Variants in ULK4 observed in about 807,000 individuals in gnomAD.
ULK4 encodes the protein unc-51 like kinase 4.
Under a neutral mutation model 160.6 loss-of-function variants are expected in ULK4, and 133 were observed. That is an observed-to-expected ratio of 0.83 (90% CI 0.72 to 0.96). The LOEUF (loss-of-function observed/expected upper bound fraction) is 0.96, where lower values mean the gene tolerates loss of function less well. Ranked by LOEUF, ULK4 falls within the 40% of genes least tolerant of loss-of-function variation. The pLI is 0.00. For synonymous variants in ULK4, 534 were observed against 539.8 expected, an observed-to-expected ratio of 0.99 and a Z score of 0.15; for missense variants, 1,580 against 1,499.5, an observed-to-expected ratio of 1.05 and a Z score of -0.89.
intron 30 of ULK4, among the ~76,000 whole-genome samples, chr3:41,655,676 T>C (rs915724818): frequency 6.6e-6 from 1 of 152,080 alleles, no homozygotes; most frequent in Admixed American, 6.6e-5. Flanking sequence ...CAGTGCTCTA[T>C]AGCCTGGGCA....
chr3:41,888,028 T>A (rs536841863), intron 16 of ULK4, among the ~76,000 whole-genome samples: 1 of 152,100 alleles, frequency 6.6e-6, no homozygotes, highest in African/African-American at 2.4e-5. Context: ...GTTTTTAATT[T>A]AGCCAGGCAT....
At chr3:41,439,717 T>C (rs144916491) in intron 34 of ULK4, among the ~76,000 whole-genome samples, 147 of 152,326 alleles carry the variant, frequency 9.7e-4, no homozygotes, top group African/African-American at 3.4e-3. Context: ...AGGTCCTTTA[T>C]ATTTCATGTA....
intron 35 of ULK4, among the ~76,000 whole-genome samples, chr3:41,338,403 C>A (rs1252972468): frequency 6.6e-6 from 1 of 152,224 alleles, no homozygotes; most frequent in Non-Finnish European, 1.5e-5. Flanking sequence ...CTGGAGCAAA[C>A]ACACAAACAT....
chr3:41,524,065 C>A (rs1191975273), intron 32 of ULK4, among the ~76,000 whole-genome samples: 1 of 152,130 alleles, frequency 6.6e-6, no homozygotes, highest in African/African-American at 2.4e-5. Context: ...ATGATATGTC[C>A]AGAATATGCA....
chr3:41,679,179 CTT>C (rs1359042134), intron 29 of ULK4, among the ~76,000 whole-genome samples: 1 of 151,668 alleles, frequency 6.6e-6, no homozygotes, highest in Non-Finnish European at 1.5e-5. Context: ...CTATTACAAT[CTT>C]TACTTTAAAG....
chr3:41,678,167 C>T (rs1053948220), intron 29 of ULK4, among the ~76,000 whole-genome samples: 1 of 141,398 alleles, frequency 7.1e-6, no homozygotes, highest in African/African-American at 2.7e-5. Context: ...TAAAATAAAT[C>T]TTTATTTCAT....
intron 18 of ULK4, among the ~76,000 whole-genome samples, chr3:41,828,355 A>G (rs150594648): frequency 2.0e-5 from 3 of 148,256 alleles, no homozygotes; most frequent in Non-Finnish European, 4.5e-5. Context: ...CAGGAAGTCA[A>G]ATTGTCCCTG....
At chr3:41,445,689 G>T (rs1324375338) in intron 34 of ULK4, among the ~76,000 whole-genome samples, 1 of 152,184 alleles carries the variant, frequency 6.6e-6, no homozygotes, top group Non-Finnish European at 1.5e-5. Flanking sequence ...AGCTGAAACT[G>T]GATCCCTTCC....
intron 1 of ULK4, among the ~76,000 whole-genome samples, chr3:41,959,363 C>CAA (rs5848611): frequency 0.12 from 16,497 of 132,900 alleles, 1,202 homozygotes; most frequent in Middle Eastern, 0.27. Context: ...GATTCCATCT[C>CAA]AAAAAAAAAA....
chr3:41,289,807 TTATGTATGTATGTATGTATGTATGTATG>T (rs34876578), intron 35 of ULK4, among the ~76,000 whole-genome samples: 2 of 147,772 alleles, frequency 1.4e-5, no homozygotes, highest in Non-Finnish European at 3.0e-5. Context: ...TTAGGTCAAC[TTATGTATGTATGTATGTATGTATGTATG>T]TATGTATGTA....
chr3:41,539,779 C>A (rs1207180620), intron 32 of ULK4, among the ~76,000 whole-genome samples: 12 of 152,120 alleles, frequency 7.9e-5, no homozygotes, highest in African/African-American at 2.9e-4. Flanking sequence ...CACCTCTCAA[C>A]TGCTTAAGCT....
chr3:41,844,971 T>A (rs1265583483), intron 17 of ULK4, among the ~76,000 whole-genome samples: 2 of 78,120 alleles, frequency 2.6e-5, no homozygotes, highest in Non-Finnish European at 4.3e-5. Context: ...AGATATCTTT[T>A]TTTTTTTTTT....
intron 17 of ULK4, among the ~76,000 whole-genome samples, chr3:41,860,163 T>C (rs142631332): frequency 2.8e-4 from 43 of 152,324 alleles, no homozygotes; most frequent in African/African-American, 1.0e-3. Flanking sequence ...TGGTCTAACC[T>C]TGAGAATAAT....
chr3:41,444,379 CT>C (rs2083245776), intron 34 of ULK4, among the ~76,000 whole-genome samples: 1 of 151,892 alleles, frequency 6.6e-6, no homozygotes. Context: ...CTCTCTCTCT[CT>C]CTCTCTCTCT....
rs1224142529 is a variant in ULK4 at position 41,644,754 on chromosome 3, T to C, written c.3071+18853A>G. Among the ~76,000 whole-genome samples, 17 of 150,456 alleles carry C rather than the reference T, an allele frequency of 1.1e-4. No individual in the cohort carries two copies. The East Asian group carries it at 2.1e-3, about 19-fold the overall frequency. ...CCTCTTTTTCTATTGATTGGAATAG[T>C]TTCAGAAGGAATGGTACCAGTTCCT... On this transcript the variant is annotated intron_variant, in intron 30 of 36. Transcript: ENST00000301831.
At chr3:41,554,821 A>C (rs73830237) in intron 32 of ULK4, among the ~76,000 whole-genome samples, 9,439 of 152,202 alleles carry the variant, frequency 0.062, 847 homozygotes, top group African/African-American at 0.2. Context: ...AAATGTGTAC[A>C]AATATTATGC....
Position 41,527,171 on chromosome 3 carries a change from G to A in ULK4, c.3226+38854C>T, listed in dbSNP as rs137964021. Among the ~76,000 whole-genome samples the A allele has an allele frequency of 2.2e-3, 336 of 152,316 alleles. 1 individual carries two copies. Among genetic ancestry groups the A allele is most frequent in the African/African-American group, 7.7e-3 (322 of 41,550 alleles). ...GACAGAAGAGGGTAACATGTGTACA[G>A]CTTTGCACGTAGTGCCACACACAGG... On this transcript the variant is annotated intron_variant, in intron 32 of 36. Coordinates refer to ENST00000301831, the MANE Select transcript of ULK4 (RefSeq NM_017886.4).
At chr3:41,505,685 A>T (rs1451246217) in intron 32 of ULK4, among the ~76,000 whole-genome samples, 1 of 152,172 alleles carries the variant, frequency 6.6e-6, no homozygotes, top group East Asian at 1.9e-4. Context: ...GGACCTAGCT[A>T]AACTGCTTAT....
intron 29 of ULK4, among the ~76,000 whole-genome samples, chr3:41,679,345 C>T (rs1638436206): frequency 6.6e-6 from 1 of 152,134 alleles, no homozygotes; most frequent in South Asian, 2.1e-4. Context: ...CTATTATCCC[C>T]GTTCTACAGA....
Sources: gnomAD v4.1 joint callset for allele counts (sites outside exome capture counted in the v4.1 genomes callset) on GRCh38, gnomAD v4.1.1 for gene constraint, MANE v1.5 for transcripts, NCBI Gene and HGNC (gene_info 2026-07-23, HGNC 2026-07-21) for gene names.